The following TMTC1 variants were observed in gnomAD, a reference collection of about 807,000 sequenced individuals.
The protein encoded by TMTC1 is protein O-mannosyl-transferase TMTC1.
Under a neutral mutation model 104.8 loss-of-function variants are expected in TMTC1, and 73 were observed. The observed-to-expected ratio is 0.70, with a 90% CI of 0.58 to 0.85. TMTC1 has a LOEUF of 0.85. Ranked by LOEUF, TMTC1 falls within the 40% of genes least tolerant of loss-of-function variation. The pLI is 0.00. For missense variants in TMTC1, 1,035 were observed against 1,096.1 expected (o/e 0.94, Z 0.79); for synonymous variants, 434 against 428.7 (o/e 1.01, Z -0.15).
chr12:29,706,252 T>TA (rs1941739785), intron 5 of TMTC1, among the ~76,000 whole-genome samples: 1 of 152,178 alleles, frequency 6.6e-6, no homozygotes, highest in African/African-American at 2.4e-5. Context: ...CTGACCCAGC[T>TA]ATGCAGGAAG....
chr12:29,757,717 A>G (rs1943247665), intron 3 of TMTC1, among the ~76,000 whole-genome samples: 1 of 152,192 alleles, frequency 6.6e-6, no homozygotes, highest in Admixed American at 6.5e-5. Context: ...AAAGAGGTTT[A>G]TTGAACTCAC....
intron 9 of TMTC1, among the ~76,000 whole-genome samples, chr12:29,561,769 T>A (rs537752692): frequency 1.3e-5 from 2 of 152,354 alleles, no homozygotes; most frequent in East Asian, 3.9e-4. Flanking sequence ...TATTGAATGA[T>A]GTGCTCTAGT....
At chr12:29,750,815 A>G (rs1404666592) in intron 5 of TMTC1, among the ~76,000 whole-genome samples, 1 of 152,228 alleles carries the variant, frequency 6.6e-6, no homozygotes, top group Admixed American at 6.5e-5. Context: ...AATGAAACCA[A>G]GCTTAACCAC....
Position 29,512,023 on chromosome 12 carries a change from G to A in TMTC1, c.2508+20C>T. ...ACAGGGGGAAAGCCCGGTCCACATG[G>A]GAGTGAATTATTCTCCTACCTTGAT... On this transcript the variant is annotated intron_variant, in intron 17 of 17. Transcript: ENST00000539277. 6.2e-7 allele frequency: 1 copy of A among 1,610,034 alleles called. No homozygotes were observed. The highest frequency in any genetic ancestry group is 1.3e-5 in the African/African-American group (1 of 74,942).
chr12:29,579,812 A>G (rs1012669391), intron 8 of TMTC1, among the ~76,000 whole-genome samples: 5 of 152,216 alleles, frequency 3.3e-5, no homozygotes, highest in Admixed American at 3.3e-4. Flanking sequence ...TATGCCTTGC[A>G]GCTATGATCA....
rs1447433603 is a variant in TMTC1, at chr12:29,759,045, CA to C, written c.481-269del. ...TTTTTAAGCTCTCAGAGCGTCAATTCACGGCATCAAAATTTATTCATGTATT... is the reference window on the plus strand; with the variant it reads ...TTTTTAAGCTCTCAGAGCGTCAATTCCGGCATCAAAATTTATTCATGTATT... On this transcript the variant is annotated intron_variant, in intron 2 of 17. Coordinates refer to ENST00000539277, the MANE Select transcript of TMTC1 (RefSeq NM_001193451.2). Among the ~76,000 whole-genome samples the C allele has an allele frequency of 2.0e-5, 3 of 152,230 alleles. No homozygotes were observed. In the East Asian group the frequency reaches 5.8e-4, roughly 29 times the overall value.
chr12:29,607,069 G>T (rs1271358701), intron 6 of TMTC1, among the ~76,000 whole-genome samples: 25 of 152,060 alleles, frequency 1.6e-4, no homozygotes, highest in Non-Finnish European at 2.2e-4. Context: ...GTCAAGGAGC[G>T]ATCAGCCTCC....
rs377685203 is a variant in TMTC1, at chr12:29,516,471, C to A, written c.2185G>T (p.Val729Leu). The A allele has an allele frequency of 1.2e-6, 2 of 1,613,426 alleles. No individual in the cohort carries two copies. Among genetic ancestry groups the A allele is most frequent in the African/African-American group, 1.3e-5 (1 of 74,886 alleles). The change falls in exon 15 of 18, where the codon GTG (valine) becomes TTG (leucine). Residue 729 changes from valine (V) to leucine (L), a missense_variant. Transcript: ENST00000539277. The stretch of plus-strand genomic sequence containing the variant: ...TCAGCTTCTTTTGTCTGACCCATCA[C>A]GGCCAAAACCTGAGCCTACAAAACC... ...LRLALAQVLA[V>L]MGQTKEAEKM...
chr12:29,674,772 A>G (rs1940660049), intron 5 of TMTC1, among the ~76,000 whole-genome samples: 1 of 152,186 alleles, frequency 6.6e-6, no homozygotes, highest in Admixed American at 6.5e-5. Flanking sequence ...AATTTACTCA[A>G]AAGAGCAAGA....
chr12:29,710,524 A>G (rs1941871926), intron 5 of TMTC1, among the ~76,000 whole-genome samples: 1 of 146,438 alleles, frequency 6.8e-6, no homozygotes, highest in Non-Finnish European at 1.5e-5. Context: ...ATATATATAT[A>G]TAAAATATAT....
Position 29,634,463 on chromosome 12 carries a change from A to AG in TMTC1, c.939-1128_939-1127insC, listed in dbSNP as rs111449734. 5.8e-3 allele frequency among the ~76,000 whole-genome samples: 877 copies of AG among 152,184 alleles called. 7 individuals carry two copies. Among genetic ancestry groups the AG allele is most frequent in the African/African-American group, 0.02 (823 of 41,518 alleles). ...AGTCTTCACCTCTCTGACACTACTG[A>AG]AAACCCCCACTCCACCCACTCCCTC... On this transcript the variant is annotated intron_variant, in intron 5 of 17. Transcript: ENST00000539277.
intron 6 of TMTC1, among the ~76,000 whole-genome samples, chr12:29,605,833 T>C (rs922453148): frequency 2.0e-5 from 3 of 152,182 alleles, no homozygotes; most frequent in Non-Finnish European, 2.9e-5. Context: ...TCGTACCCAA[T>C]AGCAAGTTTT....
At chr12:29,654,707 T>C (rs1214724373) in intron 5 of TMTC1, among the ~76,000 whole-genome samples, 1 of 140,940 alleles carries the variant, frequency 7.1e-6, no homozygotes, top group African/African-American at 2.8e-5. Context: ...ACAACCCAAA[T>C]GTCCATTTTT....
intron 9 of TMTC1, among the ~76,000 whole-genome samples, chr12:29,567,219 T>C (rs1032168714): frequency 1.3e-5 from 2 of 152,206 alleles, no homozygotes; most frequent in African/African-American, 4.8e-5. Context: ...ATAAACTTCC[T>C]GCTTGCAAAT....
chr12:29,625,327 G>A (rs10843450), intron 6 of TMTC1, among the ~76,000 whole-genome samples: 21,592 of 152,054 alleles, frequency 0.14, 1,711 homozygotes, highest in Middle Eastern at 0.2. Flanking sequence ...TTCCCACTTC[G>A]AGAGGTTACT....
chr12:29,531,411 T>C (rs1041674938), intron 11 of TMTC1, among the ~76,000 whole-genome samples: 2 of 152,184 alleles, frequency 1.3e-5, no homozygotes, highest in Admixed American at 6.5e-5. Flanking sequence ...TCAAAGCACA[T>C]GAAGGAAAAA....
intron 6 of TMTC1, among the ~76,000 whole-genome samples, chr12:29,625,607 T>C (rs984312862): frequency 1.3e-5 from 2 of 152,230 alleles, no homozygotes; most frequent in Admixed American, 6.5e-5. Context: ...GTTTTTAGGA[T>C]GCATTAAAGT....
chr12:29,700,735 C>A (rs1166622548), intron 5 of TMTC1, among the ~76,000 whole-genome samples: 1 of 152,130 alleles, frequency 6.6e-6, no homozygotes, highest in Non-Finnish European at 1.5e-5. Context: ...TCAGTCAGAG[C>A]CCACTGAGAT....
At chr12:29,569,536 C>A (rs1399483862) in intron 9 of TMTC1, among the ~76,000 whole-genome samples, 2 of 152,182 alleles carry the variant, frequency 1.3e-5, no homozygotes, top group African/African-American at 4.8e-5. Flanking sequence ...GGAGAGGAAT[C>A]CCTGTCTCAG....
Sources: allele counts gnomAD v4.1 joint callset (sites outside exome capture counted in the v4.1 genomes callset), GRCh38; gene constraint gnomAD v4.1.1; transcripts MANE v1.5; gene names NCBI Gene and HGNC (gene_info 2026-07-23, HGNC 2026-07-21).